Variants in RARB observed in about 807,000 individuals in gnomAD.
RARB encodes HBV-activated protein.
A neutral mutation model predicts 51.9 loss-of-function variants in RARB; 17 were observed. That is an observed-to-expected ratio of 0.33 (90% confidence interval 0.22 to 0.49). RARB has a LOEUF of 0.49. Ranked by LOEUF, RARB falls within the 20% of genes least tolerant of loss-of-function variation. The pLI is 0.99. For missense variants in RARB, 369 were observed against 550.8 expected (o/e 0.67, Z 3.30); for synonymous variants, 215 against 195.4 (o/e 1.10, Z -0.84).
chr3:25,474,375 T>C (rs971914122), intron 2 of RARB, among the ~76,000 whole-genome samples: 3 of 152,230 alleles, frequency 2.0e-5, no homozygotes, highest in African/African-American at 7.2e-5. Flanking sequence ...CAATAAGAAA[T>C]ACTTCTGAAA....
intron 2 of RARB, among the ~76,000 whole-genome samples, chr3:25,005,353 C>T (rs2125277023): frequency 6.6e-6 from 1 of 152,256 alleles, no homozygotes; most frequent in African/African-American, 2.4e-5. Context: ...GAGCTAGTGG[C>T]TCTGCCTAAG....
Position 25,513,690 on chromosome 3 carries a change from C to A in RARB, c.448+12367C>A, listed in dbSNP as rs1001268162. Among the ~76,000 whole-genome samples, 3 of 79,088 alleles carry A rather than the reference C, an allele frequency of 3.8e-5. No individual in the cohort carries two copies. In the South Asian group the frequency reaches 7.8e-4, roughly 21 times the overall value. The allele number at this position is 79,088 out of a possible 152,430, so 51.9% of individuals were successfully genotyped here. A position where few individuals can be genotyped will look rare whatever the true frequency, so the allele number is the denominator to read the frequency against. On this transcript the variant is annotated intron_variant, in intron 3 of 7. Transcript: ENST00000330688. Reference sequence around the variant, plus strand: ...CACACACACACACACACACACATTTCATCAAATCGATCATTTCTTAAGGTG... The same window carrying A: ...CACACACACACACACACACACATTTAATCAAATCGATCATTTCTTAAGGTG...
chr3:25,145,143 G>C (rs1054699481), intron 4 of RARB, among the ~76,000 whole-genome samples: 1 of 152,114 alleles, frequency 6.6e-6, no homozygotes, highest in Non-Finnish European at 1.5e-5. Flanking sequence ...TTGGCTCCCT[G>C]TAAAGCAAAA....
At chr3:25,456,253 G>A (rs1265508525) in intron 1 of RARB, among the ~76,000 whole-genome samples, 1 of 152,158 alleles carries the variant, frequency 6.6e-6, no homozygotes, top group African/African-American at 2.4e-5. Flanking sequence ...ATCAATGGCT[G>A]AGCACTCTGT....
At position 25,459,417 on chromosome 3, in the gene RARB, G is replaced by A. The variant is rs370488683; in HGVS notation, c.158-1776G>A. Among the ~76,000 whole-genome samples the A allele has an allele frequency of 5.3e-5, 8 of 152,214 alleles. No individual in the cohort carries two copies. The East Asian group carries it at 9.6e-4, about 18-fold the overall frequency. On this transcript the variant is annotated intron_variant, in intron 1 of 7. Coordinates refer to ENST00000330688, the MANE Select transcript of RARB (RefSeq NM_000965.5). The stretch of plus-strand genomic sequence containing the variant: ...AAATGATGCTGCTAAAATGCCGTGT[G>A]ATGAAAAGTCTTGTAGAACATACTA...
intron 2 of RARB, among the ~76,000 whole-genome samples, chr3:24,904,317 G>A (rs1252856965): frequency 1.3e-5 from 2 of 151,962 alleles, no homozygotes; most frequent in African/African-American, 2.4e-5. Context: ...ATTAGGAAAT[G>A]CCATGAAAAC....
chr3:24,862,296 A>C (rs1575040937), intron 2 of RARB, among the ~76,000 whole-genome samples: 1 of 152,218 alleles, frequency 6.6e-6, no homozygotes, highest in Admixed American at 6.5e-5. Flanking sequence ...TAGTGATTAA[A>C]AAGTATAAGG....
At chr3:24,986,024 C>G (rs567891172) in intron 2 of RARB, among the ~76,000 whole-genome samples, 1 of 152,298 alleles carries the variant, frequency 6.6e-6, no homozygotes, top group East Asian at 1.9e-4. Flanking sequence ...CTTTTCTCCC[C>G]AGCGTTGGAA....
At chr3:25,175,566 A>G (rs1449616127) in intron 5 of RARB, among the ~76,000 whole-genome samples, 1 of 152,216 alleles carries the variant, frequency 6.6e-6, no homozygotes, top group African/African-American at 2.4e-5. Context: ...CACCGAAAGC[A>G]GGGAGCTTGT....
intron 2 of RARB, among the ~76,000 whole-genome samples, chr3:24,944,472 C>T (rs1244522998): frequency 2.6e-5 from 4 of 152,152 alleles, no homozygotes; most frequent in African/African-American, 9.7e-5. Flanking sequence ...GCCTTTGTTG[C>T]TTTGCAGATG....
chr3:25,303,712 T>C lies in RARB; in HGVS notation c.178+129137T>C, dbSNP rs931552731. Among the ~76,000 whole-genome samples, 4 of 152,166 alleles carry C rather than the reference T, an allele frequency of 2.6e-5. No individual in the cohort carries two copies. In the South Asian group the frequency reaches 8.3e-4, roughly 32 times the overall value. ...GCTCAGGTTTCCTTCTTTGTGAAAC[T>C]GGGGGACAATAAAAACTTACCACAA... On this transcript the variant is annotated intron_variant, in intron 5 of 11. Transcript: ENST00000383772.
At chr3:25,293,597 T>TA (rs10713675) in intron 5 of RARB, among the ~76,000 whole-genome samples, 6,320 of 68,644 alleles carry the variant, frequency 0.092, 703 homozygotes, top group Middle Eastern at 0.17. Context: ...TTACTCCATT[T>TA]AAAAAAAAAA....
chr3:25,502,003 G>A (rs1363429949), intron 3 of RARB, among the ~76,000 whole-genome samples: 3 of 152,192 alleles, frequency 2.0e-5, no homozygotes, highest in Non-Finnish European at 4.4e-5. Context: ...TTCTCTATTT[G>A]ATGTGTACAA....
intron 2 of RARB, among the ~76,000 whole-genome samples, chr3:24,871,989 G>T (rs918979515): frequency 1.3e-5 from 2 of 152,016 alleles, no homozygotes; most frequent in African/African-American, 4.8e-5. Flanking sequence ...TTGAAAAGGG[G>T]CCTGCTTTGT....
chr3:25,194,792 CTG>C (rs146755163), intron 5 of RARB, among the ~76,000 whole-genome samples: 11 of 151,722 alleles, frequency 7.3e-5, no homozygotes, highest in Non-Finnish European at 1.2e-4. Context: ...TTAAAAAAGA[CTG>C]TGGAATTTTG....
intron 1 of RARB, among the ~76,000 whole-genome samples, chr3:25,453,187 G>A (rs567825390): frequency 6.6e-6 from 1 of 151,468 alleles, no homozygotes; most frequent in South Asian, 2.1e-4. Flanking sequence ...TGATCAAGGG[G>A]TCTTGTTAGG....
chr3:24,864,783 T>A (rs1057270173), intron 2 of RARB, among the ~76,000 whole-genome samples: 1 of 152,204 alleles, frequency 6.6e-6, no homozygotes, highest in East Asian at 1.9e-4. Flanking sequence ...TTACTATCAA[T>A]CTTTTACAAA....
intron 5 of RARB, among the ~76,000 whole-genome samples, chr3:25,261,743 C>G (rs569056597): frequency 6.6e-6 from 1 of 152,238 alleles, no homozygotes; most frequent in South Asian, 2.1e-4. Context: ...CTTCATCTCC[C>G]TGGTCACCTA....
At chr3:25,424,679 T>TGGG (rs57090166), upstream of RARB, among the ~76,000 whole-genome samples, 2 of 151,932 alleles carry the variant, frequency 1.3e-5, no homozygotes, top group African/African-American at 4.8e-5. Flanking sequence ...GCCCCTGTGG[T>TGGG]GGGGGGGGAT....
Sources: gnomAD v4.1 joint callset for allele counts (sites outside exome capture counted in the v4.1 genomes callset) on GRCh38, gnomAD v4.1.1 for gene constraint, MANE v1.5 for transcripts, NCBI Gene and HGNC (gene_info 2026-07-23, HGNC 2026-07-21) for gene names.